The following GRIN3A variants were observed in gnomAD, a reference collection of about 807,000 sequenced individuals.
The protein encoded by GRIN3A is glutamate ionotropic receptor NMDA type subunit 3A, also known as glutamate receptor ionotropic, NMDA 3A.
A neutral mutation model predicts 92.4 loss-of-function variants in GRIN3A; 47 were observed. The observed-to-expected ratio is 0.51, with a 90% confidence interval of 0.40 to 0.65. The LOEUF (loss-of-function observed/expected upper bound fraction) is 0.65. Among genes scored for constraint, GRIN3A ranks in the 30% least tolerant of loss-of-function variants. The pLI is 0.00. For synonymous variants in GRIN3A, 527 were observed against 540.6 expected, an observed-to-expected ratio of 0.97 and a Z score of 0.35; for missense variants, 1,324 against 1,393.1, an observed-to-expected ratio of 0.95 and a Z score of 0.79.
At chr9:101,615,215 T>G (rs75645728) in intron 5 of GRIN3A, among the ~76,000 whole-genome samples, 4 of 40,692 alleles carry the variant, frequency 9.8e-5, no homozygotes, top group Non-Finnish European at 1.8e-4. Context: ...ACCCAAACCC[T>G]TTTTTTTTTT....
At chr9:101,645,573 C>T (rs1258502857) in intron 3 of GRIN3A, among the ~76,000 whole-genome samples, 5 of 151,414 alleles carry the variant, frequency 3.3e-5, no homozygotes, top group African/African-American at 1.2e-4. Flanking sequence ...TAGATCTACT[C>T]CTAGTTTTTT....
At chr9:101,573,656 C>A (rs559197619) in intron 8 of GRIN3A, 143 bp from the exon 9 acceptor site, 3 of 709,800 alleles carry the variant, frequency 4.2e-6, no homozygotes, top group Non-Finnish European at 5.0e-6. Flanking sequence ...GACAGACTAC[C>A]TGCTAGGGTG....
chr9:101,636,347 A>T (rs10989572), intron 3 of GRIN3A, among the ~76,000 whole-genome samples: 29,191 of 152,226 alleles, frequency 0.19, 3,168 homozygotes, highest in Non-Finnish European at 0.25. Flanking sequence ...AATCTTTATT[A>T]GGTGCCTCCT....
intron 3 of GRIN3A, among the ~76,000 whole-genome samples, chr9:101,646,454 T>C (rs1828939625): frequency 6.6e-6 from 1 of 151,894 alleles, no homozygotes; most frequent in African/African-American, 2.4e-5. Context: ...GGTAGTGTGC[T>C]GATGCCAGGA....
chr9:101,737,681 C>A lies in GRIN3A; in HGVS notation c.299G>T (p.Ser100Ile). 1 of 1,577,964 alleles carries A rather than the reference C, an allele frequency of 6.3e-7. No individual in the cohort carries two copies. Among genetic ancestry groups the A allele is most frequent in the Non-Finnish European group, 8.6e-7 (1 of 1,165,602 alleles). The change falls in exon 1 of 9, where the codon AGC (serine) becomes ATC (isoleucine). Residue 100 changes from serine (S) to isoleucine (I), a missense_variant. By Grantham distance (142) the Ser-to-Ile change is moderately radical. Coordinates refer to ENST00000361820, the MANE Select transcript of GRIN3A (RefSeq NM_133445.3). ...APSPGARWLG[S>I]TLHGRGPPGS... Reference sequence around the variant, plus strand: ...CGGCGGCCCCCGGCCATGCAGGGTGCTCCCCAACCAGCGTGCGCCCGGCGA... The same window carrying A: ...CGGCGGCCCCCGGCCATGCAGGGTGATCCCCAACCAGCGTGCGCCCGGCGA...
chr9:101,610,247 G>A (rs7861305), intron 6 of GRIN3A, among the ~76,000 whole-genome samples: 1,810 of 152,214 alleles, frequency 0.012, 31 homozygotes, highest in African/African-American at 0.042. Flanking sequence ...TGAGAACTAC[G>A]CTCTGGGTAC....
chr9:101,681,852 C>G (rs369442336), intron 2 of GRIN3A, among the ~76,000 whole-genome samples: 3 of 3,518 alleles, frequency 8.5e-4, no homozygotes, highest in East Asian at 2.6e-3. Context: ...TCCCTCCCCC[C>G]TCCCCCGACC....
chr9:101,724,358 G>T (rs1434316931), intron 1 of GRIN3A, among the ~76,000 whole-genome samples: 2 of 152,208 alleles, frequency 1.3e-5, no homozygotes, highest in Non-Finnish European at 2.9e-5. Flanking sequence ...TCTGGCCCGG[G>T]TGCTAAGCCC....
intron 2 of GRIN3A, among the ~76,000 whole-genome samples, chr9:101,685,477 T>C (rs1251515281): frequency 6.6e-6 from 1 of 151,988 alleles, no homozygotes; most frequent in African/African-American, 2.4e-5. Context: ...CATTCGTCTT[T>C]GAAGAAATAA....
chr9:101,730,446 C>T (rs1383689462), intron 1 of GRIN3A, among the ~76,000 whole-genome samples: 1 of 152,074 alleles, frequency 6.6e-6, no homozygotes, highest in Non-Finnish European at 1.5e-5. Context: ...ACATATGGTG[C>T]AGTCCTCACC....
At chr9:101,725,635 G>A (rs1332007580) in intron 1 of GRIN3A, among the ~76,000 whole-genome samples, 1 of 152,230 alleles carries the variant, frequency 6.6e-6, no homozygotes, top group East Asian at 1.9e-4. Flanking sequence ...GAAAAGGCCT[G>A]TATGAAAGGG....
rs146170574 is a variant in GRIN3A at position 101,588,387 on chromosome 9, C to T, written c.2767-9027G>A. On this transcript the variant is annotated intron_variant, in intron 6 of 8. Transcript: ENST00000361820. ...TTTTGACAGCACTCTCTGCATTCCTCTAACCTGGAAACTGCTTAGTGGCTC... is the reference window on the plus strand; with the variant it reads ...TTTTGACAGCACTCTCTGCATTCCTTTAACCTGGAAACTGCTTAGTGGCTC... 1.0e-3 allele frequency among the ~76,000 whole-genome samples: 155 copies of T among 152,290 alleles called. No individual in the cohort carries two copies. In the Middle Eastern group the frequency reaches 0.01, roughly 10 times the overall value.
intron 6 of GRIN3A, among the ~76,000 whole-genome samples, chr9:101,598,577 A>G (rs2118823575): frequency 6.6e-6 from 1 of 152,252 alleles, no homozygotes; most frequent in East Asian, 1.9e-4. Flanking sequence ...AATAATATAT[A>G]TTTTGTACAT....
chr9:101,660,066 T>C (rs12338799), intron 3 of GRIN3A, among the ~76,000 whole-genome samples: 50,987 of 151,418 alleles, frequency 0.34, 9,438 homozygotes, highest in Non-Finnish European at 0.41. Flanking sequence ...AATTGTCGTG[T>C]ACTGTGTGTC....
At chr9:101,636,214 T>C (rs1249484914) in intron 3 of GRIN3A, among the ~76,000 whole-genome samples, 2 of 152,202 alleles carry the variant, frequency 1.3e-5, no homozygotes, top group Non-Finnish European at 2.9e-5. Context: ...AACTTCTTCT[T>C]TGCCACTTTC....
At chr9:101,730,332 A>C (rs1588301122) in intron 1 of GRIN3A, among the ~76,000 whole-genome samples, 1 of 152,170 alleles carries the variant, frequency 6.6e-6, no homozygotes, top group East Asian at 1.9e-4. Flanking sequence ...AATAAGGTAG[A>C]ATATTTGAGT....
intron 1 of GRIN3A, among the ~76,000 whole-genome samples, chr9:101,718,970 T>C (rs1829977629): frequency 6.6e-6 from 1 of 152,244 alleles, no homozygotes; most frequent in Non-Finnish European, 1.5e-5. Context: ...AACAAGTTAA[T>C]TTAAAACATT....
chr9:101,645,017 A>G (rs1216995928), intron 3 of GRIN3A, among the ~76,000 whole-genome samples: 1 of 151,806 alleles, frequency 6.6e-6, no homozygotes, highest in Non-Finnish European at 1.5e-5. Flanking sequence ...AACATTCCTA[A>G]TTTTTTCTTC....
chr9:101,613,522 C>G lies in GRIN3A; in HGVS notation c.2620G>C (p.Gly874Arg), dbSNP rs143704150. Residue 874 changes from glycine to arginine, a missense_variant, in exon 6 of 9, where the codon GGC becomes CGC. Gly to Arg is a moderately radical substitution (Grantham distance 125). Coordinates refer to ENST00000361820, the MANE Select transcript of GRIN3A (RefSeq NM_133445.3). ...GGAGAGTTGGGTGGGAGGCCAATGC[C>G]GTATCCTAGAAGAAAATACAATCTC... ...VGKPFAIEGY[G>R]IGLPPNSPLT... 2 of 1,613,986 alleles carry G rather than the reference C, an allele frequency of 1.2e-6. No homozygotes were observed. The highest frequency in any genetic ancestry group is 2.7e-5 in the African/African-American group (2 of 74,916).
Sources: allele counts gnomAD v4.1 joint callset (sites outside exome capture counted in the v4.1 genomes callset), GRCh38; gene constraint gnomAD v4.1.1; transcripts MANE v1.5; gene names NCBI Gene and HGNC (gene_info 2026-07-23, HGNC 2026-07-21).